The following DLG2 variants were observed in gnomAD, a reference collection of about 807,000 sequenced individuals.
DLG2 encodes discs large MAGUK scaffold protein 2.
In DLG2, 45 loss-of-function variants were observed where a neutral mutation model predicts 132.5. That is an observed-to-expected ratio of 0.34 (90% CI 0.27 to 0.44). The LOEUF is 0.44. DLG2 is among the 20% of genes least tolerant of loss of function. The probability of loss-of-function intolerance (pLI) is 1.00; values close to 1 mark genes in which losing one functional copy is unlikely to be tolerated. For missense variants in DLG2, 1,045 were observed against 1,196.9 expected, an observed-to-expected ratio of 0.87 and a Z score of 1.87; for synonymous variants, 424 against 419.6, an observed-to-expected ratio of 1.01 and a Z score of -0.13.
chr11:84,299,829 T>C (rs1273131620), intron 7 of DLG2, among the ~76,000 whole-genome samples: 2 of 152,314 alleles, frequency 1.3e-5, no homozygotes, highest in Middle Eastern at 3.4e-3. Flanking sequence ...AAATAATGTT[T>C]CTTCTACTAG....
In DLG2 at chr11:85,126,054, G is replaced by T. The variant is rs142767369; in HGVS notation, c.283-14319C>A. On this transcript the variant is annotated intron_variant, in intron 5 of 27. Coordinates refer to ENST00000376104, the MANE Select transcript of DLG2 (RefSeq NM_001142699.3). ...GAATATAAGTAGAATTTAGATGGGT[G>T]GATGGTCATCTAGAAAAAAAAATAA... Among the ~76,000 whole-genome samples, 161 of 152,216 alleles carry T rather than the reference G, an allele frequency of 1.1e-3. 1 individual carries two copies. Among genetic ancestry groups the T allele is most frequent in the African/African-American group, 3.7e-3 (155 of 41,512 alleles).
intron 10 of DLG2, among the ~76,000 whole-genome samples, chr11:84,093,782 T>C (rs1162868334): frequency 6.6e-6 from 1 of 151,606 alleles, no homozygotes; most frequent in Non-Finnish European, 1.5e-5. Flanking sequence ...ACCCCGCTAA[T>C]TTTTGTATTT....
intron 3 of DLG2, among the ~76,000 whole-genome samples, chr11:85,439,823 A>G (rs1264646910): frequency 1.3e-5 from 2 of 152,206 alleles, no homozygotes; most frequent in Non-Finnish European, 2.9e-5. Flanking sequence ...TTATGAATAA[A>G]TGTTTGCAGT....
At chr11:83,889,057 A>G (rs1276662085) in intron 15 of DLG2, among the ~76,000 whole-genome samples, 1 of 152,190 alleles carries the variant, frequency 6.6e-6, no homozygotes, top group East Asian at 1.9e-4. Context: ...CAAGGACTTC[A>G]TGTCTAAAAC....
intron 7 of DLG2, among the ~76,000 whole-genome samples, chr11:84,444,210 G>C (rs1167556456): frequency 2.0e-5 from 3 of 151,966 alleles, no homozygotes; most frequent in African/African-American, 7.3e-5. Flanking sequence ...CATACACTGG[G>C]GCCTATCGGG....
intron 6 of DLG2, among the ~76,000 whole-genome samples, chr11:84,541,730 T>A (rs2099372193): frequency 6.6e-6 from 1 of 152,068 alleles, no homozygotes. Flanking sequence ...ATCTGAGCAA[T>A]AACATGATCC....
chr11:83,804,233 C>T (rs1051852310), intron 17 of DLG2, among the ~76,000 whole-genome samples: 11 of 151,996 alleles, frequency 7.2e-5, no homozygotes, highest in African/African-American at 2.7e-4. Flanking sequence ...TGCAATCAGT[C>T]AAATCAAGAG....
At chr11:84,515,946 T>A (rs571425530) in intron 7 of DLG2, among the ~76,000 whole-genome samples, 91 of 150,734 alleles carry the variant, frequency 6.0e-4, no homozygotes, top group African/African-American at 2.1e-3. Context: ...TTTGGAAAAT[T>A]CACAAATAAA....
At chr11:84,887,626 C>G (rs1448413522) in intron 6 of DLG2, among the ~76,000 whole-genome samples, 2 of 152,054 alleles carry the variant, frequency 1.3e-5, no homozygotes, top group Non-Finnish European at 2.9e-5. Flanking sequence ...GAATGGGCAT[C>G]AAATGAGTAT....
At chr11:84,907,707 G>A (rs1440020322) in intron 6 of DLG2, among the ~76,000 whole-genome samples, 1 of 152,174 alleles carries the variant, frequency 6.6e-6, no homozygotes, top group Non-Finnish European at 1.5e-5. Flanking sequence ...GAACATGGCA[G>A]AGGAGAAAAA....
chr11:84,514,488 T>C (rs996477863), intron 7 of DLG2, among the ~76,000 whole-genome samples: 7 of 151,946 alleles, frequency 4.6e-5, no homozygotes, highest in African/African-American at 1.7e-4. Context: ...AGTACTTATA[T>C]ACAATAGAGG....
intron 3 of DLG2, among the ~76,000 whole-genome samples, chr11:85,299,991 T>C (rs2079486574): frequency 6.6e-6 from 1 of 152,232 alleles, no homozygotes; most frequent in African/African-American, 2.4e-5. Flanking sequence ...TCATATTATA[T>C]GGTAATAATA....
intron 3 of DLG2, among the ~76,000 whole-genome samples, chr11:85,527,476 T>C (rs1328705770): frequency 1.3e-5 from 2 of 152,160 alleles, no homozygotes; most frequent in East Asian, 3.9e-4. Context: ...GTTAGTTTGC[T>C]GAGGATAATG....
intron 10 of DLG2, among the ~76,000 whole-genome samples, chr11:84,080,670 T>C (rs999271980): frequency 1.3e-5 from 2 of 152,182 alleles, no homozygotes; most frequent in African/African-American, 4.8e-5. Flanking sequence ...TAATAATTCA[T>C]TTTTCAATTC....
At chr11:84,158,830 C>T (rs1279068827) in intron 9 of DLG2, among the ~76,000 whole-genome samples, 1 of 152,166 alleles carries the variant, frequency 6.6e-6, no homozygotes, top group Non-Finnish European at 1.5e-5. Context: ...TTAATAACTT[C>T]CTCAATTATA....
At chr11:84,444,926 C>T (rs1205418994) in intron 7 of DLG2, among the ~76,000 whole-genome samples, 1 of 152,046 alleles carries the variant, frequency 6.6e-6, no homozygotes, top group Non-Finnish European at 1.5e-5. Flanking sequence ...CCTCCGCCTC[C>T]CGAATAGCTG....
chr11:84,143,051 T>C (rs1329321466), intron 9 of DLG2, among the ~76,000 whole-genome samples: 1 of 152,096 alleles, frequency 6.6e-6, no homozygotes, highest in Non-Finnish European at 1.5e-5. Flanking sequence ...GGTAGGTCAT[T>C]GAGATTTTTC....
chr11:84,550,115 T>C (rs965866264), intron 6 of DLG2, among the ~76,000 whole-genome samples: 4 of 145,934 alleles, frequency 2.7e-5, no homozygotes, highest in East Asian at 2.0e-4. Flanking sequence ...AACGAGCCTA[T>C]ACACACACAC....
chr11:83,559,405 T>G (rs912965663), intron 19 of DLG2, among the ~76,000 whole-genome samples: 8 of 152,122 alleles, frequency 5.3e-5, no homozygotes, highest in Admixed American at 3.3e-4. Flanking sequence ...AAATAGGAGC[T>G]TTTTATTCCT....
Sources: gnomAD v4.1 joint callset for allele counts (sites outside exome capture counted in the v4.1 genomes callset) on GRCh38, gnomAD v4.1.1 for gene constraint, MANE v1.5 for transcripts, NCBI Gene and HGNC (gene_info 2026-07-23, HGNC 2026-07-21) for gene names.